Variants in LGSN observed in about 807,000 individuals in gnomAD.
LGSN encodes lengsin.
In LGSN, 21 loss-of-function variants were observed where a neutral mutation model predicts 19.5. That is an observed-to-expected ratio of 1.07 (90% confidence interval 0.76 to 1.55). LGSN has a LOEUF of 1.55. Among genes scored for constraint, LGSN ranks in the 40% most tolerant of loss-of-function variants. The pLI is 0.00. For missense variants in LGSN, 673 were observed against 608.5 expected, an observed-to-expected ratio of 1.11 and a Z score of -1.12; for synonymous variants, 257 against 215.6, an observed-to-expected ratio of 1.19 and a Z score of -1.68.
the LGSN span, among the ~76,000 whole-genome samples, chr6:63,491,607 T>C: frequency 6.6e-6 from 1 of 151,634 alleles, no homozygotes; most frequent in Admixed American, 6.6e-5. Flanking sequence ...TTTTAACATA[T>C]AATAAATAAT....
At chr6:63,467,952 T>C in the LGSN span, among the ~76,000 whole-genome samples, 1 of 151,546 alleles carries the variant, frequency 6.6e-6, no homozygotes, top group Non-Finnish European at 1.5e-5. Flanking sequence ...TCAGCCTCAC[T>C]AAGTGCTGAA....
At chr6:63,552,626 T>C in the LGSN span, among the ~76,000 whole-genome samples, 7 of 152,228 alleles carry the variant, frequency 4.6e-5, no homozygotes, top group African/African-American at 1.7e-4. Context: ...ATGTCCTGAA[T>C]GGTATTGCCT....
At chr6:63,565,505 A>G in the LGSN span, among the ~76,000 whole-genome samples, 1 of 152,210 alleles carries the variant, frequency 6.6e-6, no homozygotes, top group Non-Finnish European at 1.5e-5. Flanking sequence ...ATATTACCTC[A>G]AATGGTTTGA....
intron 1 of LGSN, among the ~76,000 whole-genome samples, chr6:63,319,286 T>C (rs1393722978): frequency 1.3e-5 from 2 of 152,224 alleles, no homozygotes; most frequent in Non-Finnish European, 2.9e-5. Context: ...CTTAACCTAC[T>C]AAAGATAACT....
chr6:63,364,873 G>T, the LGSN span, among the ~76,000 whole-genome samples: 1 of 152,150 alleles, frequency 6.6e-6, no homozygotes, highest in Non-Finnish European at 1.5e-5. Context: ...AAATAAAGAT[G>T]TTCTTTGAAC....
chr6:63,542,568 T>C, the LGSN span, among the ~76,000 whole-genome samples: 1 of 152,170 alleles, frequency 6.6e-6, no homozygotes, highest in East Asian at 1.9e-4. Flanking sequence ...CCAATCTCTC[T>C]TCAGTTCAGT....
the LGSN span, chr6:63,441,813 T>C: frequency 3.1e-6 from 1 of 318,068 alleles, no homozygotes; most frequent in Admixed American, 4.2e-5. Flanking sequence ...CTGAAACTGC[T>C]GCTGCTGCTG....
At chr6:63,465,609 G>A in the LGSN span, among the ~76,000 whole-genome samples, 3 of 152,310 alleles carry the variant, frequency 2.0e-5, no homozygotes, top group East Asian at 5.8e-4. Flanking sequence ...ATTGTTTACT[G>A]ATGGTCAATT....
the LGSN span, among the ~76,000 whole-genome samples, chr6:63,337,123 C>T: frequency 2.0e-5 from 3 of 150,756 alleles, no homozygotes; most frequent in South Asian, 4.2e-4. Flanking sequence ...CGGGGTTTCA[C>T]CATGTTGGCC....
chr6:63,509,895 A>G, the LGSN span, among the ~76,000 whole-genome samples: 11 of 152,232 alleles, frequency 7.2e-5, no homozygotes, highest in Admixed American at 7.2e-4. Flanking sequence ...TCCCACACTG[A>G]TAGTGCCTTG....
At chr6:63,549,156 G>T in the LGSN span, 2 of 684,422 alleles carry the variant, frequency 2.9e-6, no homozygotes, top group Non-Finnish European at 5.3e-6. Context: ...TTTCTTTTTG[G>T]CCAGGGCCAA....
At chr6:63,390,054 T>C in the LGSN span, among the ~76,000 whole-genome samples, 3 of 150,750 alleles carry the variant, frequency 2.0e-5, no homozygotes, top group Middle Eastern at 0.011. Flanking sequence ...ACTCTAATGG[T>C]CTCAGAAACT....
the LGSN span, among the ~76,000 whole-genome samples, chr6:63,378,034 G>GAAA: frequency 4.7e-5 from 4 of 85,438 alleles, no homozygotes; most frequent in Admixed American, 2.8e-4. Context: ...CCAGATTTTT[G>GAAA]AAAAAAAAAA....
the LGSN span, among the ~76,000 whole-genome samples, chr6:63,419,547 T>G: frequency 6.6e-6 from 1 of 152,070 alleles, no homozygotes; most frequent in Admixed American, 6.6e-5. Flanking sequence ...TGAGGCCTCC[T>G]TACCAGGGAA....
At chr6:63,481,876 A>T in the LGSN span, 1 of 235,266 alleles carries the variant, frequency 4.3e-6, no homozygotes, top group South Asian at 7.1e-5. Context: ...GTTCAACAAG[A>T]TCTTAAATCC....
At chr6:63,378,127 G>A in the LGSN span, among the ~76,000 whole-genome samples, 2 of 151,676 alleles carry the variant, frequency 1.3e-5, no homozygotes, top group African/African-American at 4.8e-5. Flanking sequence ...TGACAGGTAA[G>A]CATGACCAAG....
the LGSN span, among the ~76,000 whole-genome samples, chr6:63,365,013 A>C: frequency 6.6e-6 from 1 of 152,172 alleles, no homozygotes; most frequent in African/African-American, 2.4e-5. Flanking sequence ...CCCTAACATC[A>C]CAATTAAAAG....
chr6:63,479,674 A>G, the LGSN span, among the ~76,000 whole-genome samples: 1 of 152,176 alleles, frequency 6.6e-6, no homozygotes, highest in Non-Finnish European at 1.5e-5. Context: ...CGGGAGATGG[A>G]GATTGCAGTG....
the LGSN span, among the ~76,000 whole-genome samples, chr6:63,452,721 A>G: frequency 6.7e-6 from 1 of 149,648 alleles, no homozygotes; most frequent in Non-Finnish European, 1.5e-5. Context: ...TATCAGTTGT[A>G]TTGATCTTTG....
Sources: allele counts gnomAD v4.1 joint callset (sites outside exome capture counted in the v4.1 genomes callset), GRCh38; gene constraint gnomAD v4.1.1; transcripts MANE v1.5; gene names NCBI Gene and HGNC (gene_info 2026-07-23, HGNC 2026-07-21).